The following PPL variants were observed in gnomAD, a reference collection of about 807,000 sequenced individuals.
The protein encoded by PPL is 190 kDa paraneoplastic pemphigus antigen.
A neutral mutation model predicts 194.4 loss-of-function variants in PPL; 198 were observed. The observed-to-expected ratio is 1.02, with a 90% CI of 0.91 to 1.15. The LOEUF (loss-of-function observed/expected upper bound fraction) is 1.15. Ranked by LOEUF, PPL falls within the 50% of genes most tolerant of loss-of-function variation. The pLI, the probability that PPL is intolerant of heterozygous loss-of-function variation, is 0.00. For synonymous variants in PPL, 1,220 were observed against 972.4 expected (o/e 1.25, Z -4.74); for missense variants, 2,885 against 2,294.8 (o/e 1.26, Z -5.25).
Position 4,890,219 on chromosome 16 carries a change from G to A in PPL, c.2278C>T (p.Leu760Phe). ...TTCAGCTTGGTCTCCATCTGGCTGA[G>A]GCTGTCTGTCTCCTGGGGCTCGTAA... ...PSYEPQETDS[L>F]SQMETKLKNQ... Residue 760 changes from leucine (L) to phenylalanine (F), a missense_variant, in exon 18 of 22, where the codon CTC becomes TTC. Coordinates refer to ENST00000345988, the MANE Select transcript of PPL (RefSeq NM_002705.5). 1 of 1,614,194 alleles carries A rather than the reference G, an allele frequency of 6.2e-7. No homozygotes were observed. The highest frequency in any genetic ancestry group is 1.3e-5 in the African/African-American group (1 of 75,052).
chr16:4,903,928 G>A lies in PPL; in HGVS notation c.275C>T (p.Ala92Val), dbSNP rs2088628652. 1 of 1,613,930 alleles carries A rather than the reference G, an allele frequency of 6.2e-7. No homozygotes were observed. The highest frequency in any genetic ancestry group is 1.1e-5 in the South Asian group (1 of 91,092). ...LYVLEADAAIAKHMKHPQGDM... is the reference protein window; with the variant it reads ...LYVLEADAAIVKHMKHPQGDM... The stretch of plus-strand genomic sequence containing the variant: ...CCCCTGTGGGTGCTTCATGTGCTTG[G>A]CAATGGCCGCATCCGCCTCTAGCAC... The change falls in exon 3 of 22, where the codon GCC becomes GTC. Residue 92 changes from alanine to valine, a missense_variant. Coordinates refer to ENST00000345988, the MANE Select transcript of PPL (RefSeq NM_002705.5).
chr16:4,888,727 C>G, intron 19 of PPL: 1 of 411,896 alleles, frequency 2.4e-6, no homozygotes, highest in Non-Finnish European at 4.2e-6. Context: ...TTTTTTTGTA[C>G]TTTTTCCTTA....
chr16:4,920,855 G>T (rs1384954268), intron 1 of PPL, among the ~76,000 whole-genome samples: 1 of 152,118 alleles, frequency 6.6e-6, no homozygotes, highest in African/African-American at 2.4e-5. Flanking sequence ...CTCCTGACTT[G>T]GCCTCCTAAA....
chr16:4,920,764 A>C (rs941703295), intron 1 of PPL, among the ~76,000 whole-genome samples: 15 of 151,940 alleles, frequency 9.9e-5, no homozygotes, highest in African/African-American at 3.6e-4. Context: ...CTCGGCCTCA[A>C]CTAATTTTTT....
chr16:4,884,394 G>A lies in PPL; in HGVS notation c.4261C>T (p.Gln1421Ter). The A allele has an allele frequency of 6.2e-7, 1 of 1,610,098 alleles. No homozygotes were observed. Among genetic ancestry groups the A allele is most frequent in the Non-Finnish European group, 8.5e-7 (1 of 1,179,314 alleles). Residue 1421 changes from glutamine to a stop codon, truncating the protein, a stop_gained, in exon 22 of 22, where the codon CAG (glutamine) becomes TAG (stop). Coordinates refer to ENST00000345988, the MANE Select transcript of PPL (RefSeq NM_002705.5). LOFTEE classifies it high-confidence loss of function. The surrounding 1 kb of genome is among the most constrained non-coding windows in gnomAD (Gnocchi z 5.7). ...QARREAEREV[Q>*]RLQQRLAALE... Reference sequence around the variant, plus strand: ...GCTGCCAGCCGCTGCTGCAACCGCTGTACCTCGCGCTCGGCCTCCCTGCGG... The same window carrying A: ...GCTGCCAGCCGCTGCTGCAACCGCTATACCTCGCGCTCGGCCTCCCTGCGG...
chr16:4,887,413 G>A (rs1364205398), intron 20 of PPL, among the ~76,000 whole-genome samples, 186 bp from the exon 21 acceptor site: 1 of 152,114 alleles, frequency 6.6e-6, no homozygotes, highest in Non-Finnish European at 1.5e-5. Context: ...TGGATCTCGA[G>A]GCAGAAGATC....
intron 1 of PPL, among the ~76,000 whole-genome samples, chr16:4,917,064 G>A (rs899194093): frequency 4.6e-5 from 7 of 151,984 alleles, no homozygotes; most frequent in Non-Finnish European, 1.0e-4. Flanking sequence ...CCTGGGAGGC[G>A]GAGGTTGCAA....
At chr16:4,888,829 C>T in intron 19 of PPL, 149 bp downstream of exon 19, 2 of 742,290 alleles carry the variant, frequency 2.7e-6, no homozygotes, top group Admixed American at 2.0e-5. Context: ...TCCCAAAAGC[C>T]TGTGCCAGTT....
chr16:4,912,581 G>A lies in PPL; in HGVS notation c.63-1632C>T, dbSNP rs1005838950. ...CTGATATTTTTCTTTCAACCTACTC[G>A]TTTTATTTTAGAGTTAAATGTGTTT... On this transcript the variant is annotated intron_variant, in intron 1 of 21. Coordinates refer to ENST00000345988, the MANE Select transcript of PPL (RefSeq NM_002705.5). 2.6e-5 allele frequency among the ~76,000 whole-genome samples: 4 copies of A among 152,306 alleles called. No homozygotes were observed. The East Asian group carries it at 5.8e-4, about 22-fold the overall frequency.
In PPL at chr16:4,884,224, C is replaced by T. The variant is rs762532417; in HGVS notation, c.4431G>A (p.Glu1477=). 87 of 1,613,718 alleles carry T rather than the reference C, an allele frequency of 5.4e-5. No individual in the cohort carries two copies. Among genetic ancestry groups the T allele is most frequent in the Non-Finnish European group, 6.9e-5 (81 of 1,179,996 alleles). ...TCCTCCGGAGGGTCTCGAGCTCCCC[C>T]TCCAGGAGCTGCCGCCGGTGCTGCT... ...EEEQHRRQLL[E]GELETLRRKL... The change falls in exon 22 of 22, where the codon GAG becomes GAA. Residue 1477 remains glutamate (E), a synonymous_variant. Coordinates refer to ENST00000345988, the MANE Select transcript of PPL (RefSeq NM_002705.5). The surrounding 1 kb of genome is among the most constrained non-coding windows in gnomAD (Gnocchi z 5.7).
Position 4,902,568 on chromosome 16 carries a change from C to A in PPL, c.318-42G>T, listed in dbSNP as rs769922067. On this transcript the variant is annotated intron_variant, in intron 3 of 21. Transcript: ENST00000345988. The surrounding 1 kb of genome is among the most constrained non-coding windows in gnomAD (Gnocchi z 4.0). ...TCCCACTTAGTGGGGCTGGTTGGCA[C>A]TGCCTGCACCCCAGGAGGGGCCCCC... 1.3e-6 allele frequency: 2 copies of A among 1,598,930 alleles called. No individual in the cohort carries two copies. The highest frequency in any genetic ancestry group is 1.7e-6 in the Non-Finnish European group (2 of 1,172,174).
intron 1 of PPL, among the ~76,000 whole-genome samples, chr16:4,929,120 A>G (rs1371838098): frequency 6.6e-6 from 1 of 150,878 alleles, no homozygotes; most frequent in Non-Finnish European, 1.5e-5. Flanking sequence ...GGTAGAATTT[A>G]TCTCAGACAA....
At chr16:4,929,293 G>C (rs1353665601) in intron 1 of PPL, among the ~76,000 whole-genome samples, 2 of 151,892 alleles carry the variant, frequency 1.3e-5, no homozygotes, top group Non-Finnish European at 2.9e-5. Context: ...TGCCTTCCAG[G>C]ACTGGGCCCC....
chr16:4,884,824 C>T lies in PPL; in HGVS notation c.3831G>A (p.Gln1277=), dbSNP rs757380229. The change falls in exon 22 of 22, where the codon CAG becomes CAA. Residue 1277 remains glutamine (Q), a synonymous_variant. Coordinates refer to ENST00000345988, the MANE Select transcript of PPL (RefSeq NM_002705.5). This position sits in a 1 kb window ranked among gnomAD's most constrained non-coding sequence, Gnocchi z 5.7. ...LEIYQLKKEI[Q]ALKDTKPQVQ... ...CCTGGGGTTTGGTGTCTTTCAGGGCCTGGATTTCCTTTTTCAGCTGGTAGA... is the reference window on the plus strand; with the variant it reads ...CCTGGGGTTTGGTGTCTTTCAGGGCTTGGATTTCCTTTTTCAGCTGGTAGA... The T allele has an allele frequency of 5.0e-6, 8 of 1,614,104 alleles. No individual in the cohort carries two copies. Among genetic ancestry groups the T allele is most frequent in the Non-Finnish European group, 6.8e-6 (8 of 1,180,018 alleles).
intron 16 of PPL, among the ~76,000 whole-genome samples, 200 bp from the exon 17 acceptor site, chr16:4,891,121 T>C (rs1485827519): frequency 6.6e-6 from 1 of 152,208 alleles, no homozygotes; most frequent in East Asian, 1.9e-4. Context: ...AACAAAGCCC[T>C]GAAAAGCTAA....
chr16:4,909,199 T>A (rs983721959), intron 2 of PPL, among the ~76,000 whole-genome samples: 2 of 152,106 alleles, frequency 1.3e-5, no homozygotes, highest in Non-Finnish European at 2.9e-5. Context: ...TCTCCACTTA[T>A]CTGCCCCCTA....
rs1596555913 is a variant in PPL at position 4,899,400 on chromosome 16, C to G, written c.607-16G>C. Reference sequence around the variant, plus strand: ...GTGATGCTGCCTGAAGGGGCCGGGGCAAGGAAAGGGCTGCGTCCTCAGCCC... The same window carrying G: ...GTGATGCTGCCTGAAGGGGCCGGGGGAAGGAAAGGGCTGCGTCCTCAGCCC... On this transcript the variant is annotated splice_polypyrimidine_tract_variant and intron_variant, in intron 6 of 21. Coordinates refer to ENST00000345988, the MANE Select transcript of PPL (RefSeq NM_002705.5). 1 of 1,594,390 alleles carries G rather than the reference C, an allele frequency of 6.3e-7. No homozygotes were observed. The highest frequency in any genetic ancestry group is 2.2e-5 in the East Asian group (1 of 44,514).
At chr16:4,900,458 A>ATTTTTTTTTTTTTTTTT (rs2088540804) in intron 6 of PPL, among the ~76,000 whole-genome samples, 2 of 14,054 alleles carry the variant, frequency 1.4e-4, no homozygotes, top group African/African-American at 3.8e-4. Flanking sequence ...TTTTTTTTTA[A>ATTTTTTTTTTTTTTTTT]AGGCAGGGTT....
At chr16:4,925,983 G>A (rs1352185199) in intron 1 of PPL, among the ~76,000 whole-genome samples, 1 of 152,144 alleles carries the variant, frequency 6.6e-6, no homozygotes, top group Non-Finnish European at 1.5e-5. Context: ...GATGGTAAAC[G>A]GAGACTGAGT....
Sources: allele counts gnomAD v4.1 joint callset (sites outside exome capture counted in the v4.1 genomes callset), GRCh38; gene constraint gnomAD v4.1.1; non-coding constraint Gnocchi (gnomAD v3.1); transcripts MANE v1.5; gene names NCBI Gene and HGNC (gene_info 2026-07-23, HGNC 2026-07-21).